Variants in JARID2 observed in about 807,000 individuals in gnomAD.
JARID2 encodes the protein jumonji and AT-rich interaction domain containing 2.
Under a neutral mutation model 125.6 loss-of-function variants are expected in JARID2, and 21 were observed. The observed-to-expected ratio is 0.17, with a 90% CI of 0.12 to 0.24. The LOEUF (loss-of-function observed/expected upper bound fraction) is 0.24. Among genes scored for constraint, JARID2 ranks in the 10% least tolerant of loss-of-function variants. JARID2 has a pLI of 1.00. For synonymous variants in JARID2, 736 were observed against 661.6 expected (o/e 1.11, Z -1.73); for missense variants, 1,303 against 1,639.6 (o/e 0.79, Z 3.55).
chr6:15,397,318 T>C lies in JARID2; in HGVS notation c.182-12906T>C, dbSNP rs1765255381. Among the ~76,000 whole-genome samples, 3 of 152,228 alleles carry C rather than the reference T, an allele frequency of 2.0e-5. No homozygotes were observed. The South Asian group carries it at 6.2e-4, about 31-fold the overall frequency. On this transcript the variant is annotated intron_variant, in intron 2 of 17. Coordinates refer to ENST00000341776, the MANE Select transcript of JARID2 (RefSeq NM_004973.4). The stretch of plus-strand genomic sequence containing the variant: ...ACACAGAAATATCATTACAAATACA[T>C]GGCTGATGCTGTATGATCATTACAA...
intron 3 of JARID2, among the ~76,000 whole-genome samples, chr6:15,420,692 G>A (rs986198413): frequency 2.0e-5 from 3 of 152,086 alleles, no homozygotes; most frequent in African/African-American, 7.2e-5. Context: ...ACATATTCTT[G>A]AGCATTGTTC....
At chr6:15,275,524 G>C (rs1043285611) in intron 1 of JARID2, among the ~76,000 whole-genome samples, 827 of 6,448 alleles carry the variant, frequency 0.13, no homozygotes, top group Middle Eastern at 0.25. Context: ...TCCATTTACC[G>C]CCCCCCCCGC....
chr6:15,259,757 A>AT (rs1052389874), intron 1 of JARID2, among the ~76,000 whole-genome samples: 97 of 152,220 alleles, frequency 6.4e-4, no homozygotes, highest in African/African-American at 2.2e-3. Context: ...AGCTGGTTAC[A>AT]TTTTTTTGAT....
intron 1 of JARID2, among the ~76,000 whole-genome samples, chr6:15,310,567 G>A (rs1037258257): frequency 4.0e-5 from 6 of 151,628 alleles, no homozygotes; most frequent in Non-Finnish European, 8.8e-5. Context: ...CTTCTCCCCT[G>A]TTTCTGGGTC....
rs141826303 is a variant in JARID2, at chr6:15,467,984, G to A, written c.494-558G>A. ...ATTCAGCACTTTTACTTAGTGCAGC[G>A]TGGGAATTTATTTGGGTGATTTTTG... On this transcript the variant is annotated intron_variant, in intron 4 of 17. Transcript: ENST00000341776. 3.2e-3 allele frequency among the ~76,000 whole-genome samples: 480 copies of A among 152,172 alleles called. 2 individuals are homozygous for A. The highest frequency in any genetic ancestry group is 0.011 in the African/African-American group (445 of 41,510).
chr6:15,457,232 A>G (rs1442289833), intron 4 of JARID2, among the ~76,000 whole-genome samples: 2 of 152,154 alleles, frequency 1.3e-5, no homozygotes, highest in Non-Finnish European at 2.9e-5. Flanking sequence ...ATTTAGAGAG[A>G]TTTCCACCTT....
chr6:15,515,047 CTTTTT>C (rs60113331), intron 16 of JARID2, among the ~76,000 whole-genome samples: 1 of 150,960 alleles, frequency 6.6e-6, no homozygotes, highest in Non-Finnish European at 1.5e-5. Context: ...TCTCTCTGTT[CTTTTT>C]TTTTTTTGTT....
At chr6:15,352,092 G>A (rs1763449340) in intron 1 of JARID2, among the ~76,000 whole-genome samples, 1 of 152,078 alleles carries the variant, frequency 6.6e-6, no homozygotes, top group African/African-American at 2.4e-5. Flanking sequence ...TCCGACGTAA[G>A]GGAGGAACAC....
chr6:15,514,156 A>C (rs768638403), intron 16 of JARID2, among the ~76,000 whole-genome samples: 1 of 110,118 alleles, frequency 9.1e-6, no homozygotes, highest in Non-Finnish European at 1.8e-5. Context: ...AAGCCCTTCC[A>C]TGGCGACTGG....
chr6:15,261,883 A>G (rs539892032), intron 1 of JARID2, among the ~76,000 whole-genome samples: 1 of 145,258 alleles, frequency 6.9e-6, no homozygotes, highest in East Asian at 2.1e-4. Context: ...TCCCTGGTTC[A>G]AGCAATTCTG....
intron 1 of JARID2, among the ~76,000 whole-genome samples, chr6:15,300,893 G>A (rs1282964850): frequency 6.6e-6 from 1 of 152,092 alleles, no homozygotes; most frequent in Non-Finnish European, 1.5e-5. Context: ...GTCTGGGACG[G>A]AAGGGTGACA....
intron 5 of JARID2, among the ~76,000 whole-genome samples, chr6:15,486,625 G>C (rs1250349329): frequency 6.6e-6 from 1 of 152,184 alleles, no homozygotes; most frequent in Non-Finnish European, 1.5e-5. Context: ...AGAAATACTA[G>C]CTATTAGCTA....
chr6:15,517,210 G>A lies in JARID2; in HGVS notation c.3500G>A (p.Arg1167His), dbSNP rs374387713. The A allele has an allele frequency of 1.4e-5, 23 of 1,613,976 alleles. No homozygotes were observed. The highest frequency in any genetic ancestry group is 3.3e-5 in the Admixed American group (2 of 60,014). ...GTGTTCTGTCTGGAGTGTGCTCTGCGCCACGTGGAGAAACAGAAGTCCTGC... is the reference window on the plus strand; with the variant it reads ...GTGTTCTGTCTGGAGTGTGCTCTGCACCACGTGGAGAAACAGAAGTCCTGC... ...NVVFCLECALRHVEKQKSCRG... is the reference protein window; with the variant it reads ...NVVFCLECALHHVEKQKSCRG... The change falls in exon 17 of 18, where the codon CGC (arginine) becomes CAC (histidine). Residue 1167 changes from arginine to histidine, a missense_variant. This residue lies in a region of JARID2 where 190 missense variants were observed against 341.4 expected (regional missense o/e 0.56). Transcript: ENST00000341776.
At chr6:15,500,087 C>A (rs574070792) in intron 7 of JARID2, among the ~76,000 whole-genome samples, 1 of 152,216 alleles carries the variant, frequency 6.6e-6, no homozygotes, top group African/African-American at 2.4e-5. Flanking sequence ...CCCCTACCCC[C>A]CTTCCTTTAT....
chr6:15,268,518 T>TA (rs1760174985), intron 1 of JARID2, among the ~76,000 whole-genome samples: 1 of 152,072 alleles, frequency 6.6e-6, no homozygotes, highest in Admixed American at 6.6e-5. Flanking sequence ...AATGTGTACT[T>TA]ATATCCGAAA....
intron 1 of JARID2, among the ~76,000 whole-genome samples, chr6:15,319,742 GAAA>G (rs1172705679): frequency 6.6e-6 from 1 of 152,160 alleles, no homozygotes; most frequent in Non-Finnish European, 1.5e-5. Context: ...GGAGAAGCAG[GAAA>G]AGTTTAACCT....
intron 1 of JARID2, among the ~76,000 whole-genome samples, chr6:15,315,630 A>C (rs557004912): frequency 1.4e-3 from 210 of 152,328 alleles, no homozygotes; most frequent in African/African-American, 4.9e-3. Context: ...AGATATCTTC[A>C]TCTGCTTCAG....
intron 3 of JARID2, among the ~76,000 whole-genome samples, chr6:15,411,069 C>G (rs1765855460): frequency 1.3e-5 from 2 of 152,152 alleles, no homozygotes; most frequent in Non-Finnish European, 2.9e-5. Context: ...TGATATGTTA[C>G]TTCCTTTTTT....
At chr6:15,295,387 C>T (rs1761376214) in intron 1 of JARID2, among the ~76,000 whole-genome samples, 1 of 152,094 alleles carries the variant, frequency 6.6e-6, no homozygotes, top group African/African-American at 2.4e-5. Flanking sequence ...TCTGAAAGTG[C>T]TGGGATTACA....
Sources: allele counts gnomAD v4.1 joint callset (sites outside exome capture counted in the v4.1 genomes callset), GRCh38; gene constraint gnomAD v4.1.1; regional missense constraint gnomAD v4.1.1; transcripts MANE v1.5; gene names NCBI Gene and HGNC (gene_info 2026-07-23, HGNC 2026-07-21).